ZNF536: variants seen among roughly 807,000 people sequenced by gnomAD.
ZNF536 encodes zinc finger protein 536.
A neutral mutation model predicts 84.5 loss-of-function variants in ZNF536; 13 were observed. The ratio of observed to expected loss-of-function variants is 0.15; its 90% confidence interval spans 0.10 to 0.24. ZNF536 has a LOEUF of 0.24. Among genes scored for constraint, ZNF536 ranks in the 10% least tolerant of loss-of-function variants. The pLI, the probability that ZNF536 is intolerant of heterozygous loss-of-function variation, is 1.00. For synonymous variants in ZNF536, 811 were observed against 742.5 expected (o/e 1.09, Z -1.50); for missense variants, 1,536 against 1,747.5 (o/e 0.88, Z 2.16).
chr19:30,665,437 C>G (rs2050278961), intron 1 of ZNF536: 1 of 152,222 alleles, frequency 6.6e-6, no homozygotes, highest in Non-Finnish European at 1.5e-5. Context: ...CTATGTTGCT[C>G]CCTGCACACA....
At chr19:30,508,530 G>A (rs2055266020) in intron 2 of ZNF536, among the ~76,000 whole-genome samples, 2 of 152,144 alleles carry the variant, frequency 1.3e-5, no homozygotes, top group African/African-American at 4.8e-5. Context: ...AATGATCCGG[G>A]CCATGAGACT....
intron 1 of ZNF536, among the ~76,000 whole-genome samples, chr19:30,261,330 A>G (rs71365985): frequency 1.3e-5 from 2 of 149,560 alleles, no homozygotes; most frequent in African/African-American, 4.9e-5. Context: ...AAAGAAAAAT[A>G]TAACTAGCAC....
intron 1 of ZNF536, among the ~76,000 whole-genome samples, chr19:30,658,423 C>G (rs1252445903): frequency 6.6e-6 from 1 of 152,150 alleles, no homozygotes; most frequent in Non-Finnish European, 1.5e-5. Flanking sequence ...AAGCTCTGCT[C>G]CAACCCACAG....
At chr19:30,359,416 A>G (rs2048200043) in intron 3 of ZNF536, among the ~76,000 whole-genome samples, 1 of 152,188 alleles carries the variant, frequency 6.6e-6, no homozygotes, top group Non-Finnish European at 1.5e-5. Flanking sequence ...CCTGGCCCTG[A>G]GTTCTCCTGC....
downstream of ZNF536, among the ~76,000 whole-genome samples, chr19:30,562,945 A>C (rs767454096): frequency 2.0e-5 from 3 of 152,146 alleles, no homozygotes; most frequent in Non-Finnish European, 4.4e-5. Context: ...TTTCAATTGG[A>C]TATCTTGTCA....
intron 2 of ZNF536, among the ~76,000 whole-genome samples, chr19:30,305,141 G>T (rs1363086803): frequency 6.6e-6 from 1 of 152,110 alleles, no homozygotes; most frequent in Admixed American, 6.5e-5. Flanking sequence ...CTCTTGTCTG[G>T]GCCTTGGTTT....
At chr19:30,355,138 A>G (rs1162352899) in intron 3 of ZNF536, among the ~76,000 whole-genome samples, 2 of 152,202 alleles carry the variant, frequency 1.3e-5, no homozygotes, top group African/African-American at 4.8e-5. Context: ...CTGTACAAGC[A>G]TGGCGCCAGC....
intron 1 of ZNF536, among the ~76,000 whole-genome samples, chr19:30,564,163 C>G (rs1439316476): frequency 2.0e-5 from 3 of 152,024 alleles, no homozygotes; most frequent in Non-Finnish European, 2.9e-5. Flanking sequence ...ACCTGGAGAC[C>G]TGGGAAGATA....
At chr19:30,702,258 T>C (rs1012926296) in intron 1 of ZNF536, among the ~76,000 whole-genome samples, 1 of 152,226 alleles carries the variant, frequency 6.6e-6, no homozygotes, top group Non-Finnish European at 1.5e-5. Context: ...TTCTCCTTAC[T>C]CCTCTTGACC....
At chr19:30,295,662 C>A (rs2045974147) in intron 2 of ZNF536, among the ~76,000 whole-genome samples, 1 of 152,122 alleles carries the variant, frequency 6.6e-6, no homozygotes, top group Non-Finnish European at 1.5e-5. Flanking sequence ...ACACGCAGAG[C>A]CCTGCCTCTG....
intron 1 of ZNF536, among the ~76,000 whole-genome samples, chr19:30,675,547 C>T (rs1331398994): frequency 1.3e-5 from 2 of 152,096 alleles, no homozygotes; most frequent in South Asian, 2.1e-4. Context: ...TGGCTTATCA[C>T]GAAAGGAAGG....
intron 1 of ZNF536, among the ~76,000 whole-genome samples, chr19:30,589,583 T>C (rs1175474151): frequency 6.6e-6 from 1 of 152,122 alleles, no homozygotes; most frequent in African/African-American, 2.4e-5. Flanking sequence ...GGGGGTGATC[T>C]CAGGAAGCAC....
At chr19:30,678,386 A>T (rs1476965643) in intron 1 of ZNF536, among the ~76,000 whole-genome samples, 1 of 152,076 alleles carries the variant, frequency 6.6e-6, no homozygotes, top group Non-Finnish European at 1.5e-5. Context: ...AGGCTCCAGG[A>T]GCCGAGTGCA....
Position 30,459,190 on chromosome 19 carries a change from G to A in ZNF536, c.2170+13458G>A, listed in dbSNP as rs375193439. On this transcript the variant is annotated intron_variant, in intron 2 of 4. Transcript: ENST00000355537. ...TACAAACACAAACAGGTGAAAATGG[G>A]CAACTTGGCCAGGGGAGTGGTTGGT... 1.2e-4 allele frequency among the ~76,000 whole-genome samples: 18 copies of A among 151,842 alleles called. No individual in the cohort carries two copies. In the South Asian group the frequency reaches 3.5e-3, roughly 30 times the overall value.
chr19:30,236,606 G>A (rs2023537066), intron 1 of ZNF536, among the ~76,000 whole-genome samples: 1 of 151,910 alleles, frequency 6.6e-6, no homozygotes, highest in African/African-American at 2.4e-5. Flanking sequence ...GTACAGACAA[G>A]ATAACATGAA....
At chr19:30,602,948 A>G (rs2047741268) in intron 1 of ZNF536, among the ~76,000 whole-genome samples, 2 of 152,208 alleles carry the variant, frequency 1.3e-5, no homozygotes, top group Non-Finnish European at 2.9e-5. Flanking sequence ...TTCGGTACCC[A>G]TCCCCCAGAC....
At chr19:30,255,556 C>T (rs2024869482) in intron 1 of ZNF536, among the ~76,000 whole-genome samples, 1 of 152,134 alleles carries the variant, frequency 6.6e-6, no homozygotes, top group Non-Finnish European at 1.5e-5. Context: ...GATACGATTA[C>T]AGTAATTAAT....
intron 3 of ZNF536, among the ~76,000 whole-genome samples, chr19:30,359,503 G>GCACAGGGACTGT (rs1188867273): frequency 4.5e-4 from 68 of 152,286 alleles, no homozygotes; most frequent in African/African-American, 1.5e-3. Context: ...CTCAGATGTG[G>GCACAGGGACTGT]GCAGCAATGC....
intron 1 of ZNF536, among the ~76,000 whole-genome samples, chr19:30,418,196 T>C (rs1000822633): frequency 1.3e-5 from 2 of 152,144 alleles, no homozygotes; most frequent in Non-Finnish European, 2.9e-5. Context: ...CCCTGGCCTA[T>C]TATGCTTGAT....
Sources: allele counts gnomAD v4.1 joint callset (sites outside exome capture counted in the v4.1 genomes callset), GRCh38; gene constraint gnomAD v4.1.1; transcripts MANE v1.5; gene names NCBI Gene and HGNC (gene_info 2026-07-23, HGNC 2026-07-21).